The following CSMD2 variants were observed in gnomAD, a reference collection of about 807,000 sequenced individuals.
The protein encoded by CSMD2 is CUB and Sushi multiple domains 2.
CSMD2 carries 130 observed loss-of-function variants against 398.5 expected under a neutral mutation model. The observed-to-expected ratio is 0.33, with a 90% CI of 0.28 to 0.38. The LOEUF (loss-of-function observed/expected upper bound fraction) is 0.38, where lower values mean the gene tolerates loss of function less well. Among genes scored for constraint, CSMD2 ranks in the 10% least tolerant of loss-of-function variants. The probability of loss-of-function intolerance (pLI) is 1.00; values close to 1 mark genes in which losing one functional copy is unlikely to be tolerated. For missense variants in CSMD2, 3,829 were observed against 4,764.9 expected (o/e 0.80, Z 5.78); for synonymous variants, 1,828 against 1,908.5 (o/e 0.96, Z 1.10).
rs1256676454 is a variant in CSMD2 at position 33,633,967 on chromosome 1, A to G, written c.5087-432T>C. Among the ~76,000 whole-genome samples the G allele has an allele frequency of 7.2e-5, 11 of 152,086 alleles. No homozygotes were observed. Among genetic ancestry groups the G allele is most frequent in the Admixed American group, 6.5e-4 (10 of 15,286 alleles). On this transcript the variant is annotated intron_variant, in intron 31 of 70. Transcript: ENST00000373381. The surrounding 1 kb of genome is among the most constrained non-coding windows in gnomAD (Gnocchi z 5.0). ...GTTAGTCAGTGTCATTGAGTTGAAA[A>G]CTGTATACAGAGATCTGTAGTCAGT...
chr1:33,590,361 C>T (rs1043119382), intron 44 of CSMD2, among the ~76,000 whole-genome samples: 8 of 134,204 alleles, frequency 6.0e-5, no homozygotes, highest in African/African-American at 2.3e-4. Context: ...TGGTCTCAAA[C>T]TCCTGGGCTC....
Position 33,716,354 on chromosome 1 carries a change from A to G in CSMD2, c.3149T>C (p.Phe1050Ser), listed in dbSNP as rs777110223. 1 of 1,614,142 alleles carries G rather than the reference A, an allele frequency of 6.2e-7. No homozygotes were observed. Among genetic ancestry groups the G allele is most frequent in the Non-Finnish European group, 8.5e-7 (1 of 1,180,036 alleles). Residue 1050 changes from phenylalanine (F) to serine (S), a missense_variant, in exon 20 of 71, where the codon TTC becomes TCC. By Grantham distance (155) the Phe-to-Ser change is radical. Around this residue, in one of 5 missense-constraint regions of CSMD2, gnomAD observed 2,001 missense variants for 2,567.1 expected, o/e 0.78. Transcript: ENST00000373381. Reference sequence around the variant, plus strand: ...AGAGATGAAGCGGACCTGGGCAGTGAAGTTGCCATAGAGCCCAGCGCTGAT... The same window carrying G: ...AGAGATGAAGCGGACCTGGGCAGTGGAGTTGCCATAGAGCCCAGCGCTGAT... The part of the protein sequence containing the change: ...APISAGLYGN[F>S]TAQVRFISDF...
chr1:33,748,417 A>C (rs550401306), intron 13 of CSMD2, among the ~76,000 whole-genome samples: 129 of 152,302 alleles, frequency 8.5e-4, no homozygotes, highest in Non-Finnish European at 1.4e-3. Context: ...ATGTCGACTA[A>C]ACTTTTAAGT....
Position 33,961,963 on chromosome 1 carries a change from T to C in CSMD2, c.518-26009A>G, listed in dbSNP as rs182330378. On this transcript the variant is annotated intron_variant, in intron 3 of 70. Transcript: ENST00000373381. Reference sequence around the variant, plus strand: ...ACAAATGGAAGAATACAGGGAGTTATTAAGACTTGGGGATGTTGAGAAGAT... The same window carrying C: ...ACAAATGGAAGAATACAGGGAGTTACTAAGACTTGGGGATGTTGAGAAGAT... Among the ~76,000 whole-genome samples, 49 of 152,132 alleles carry C rather than the reference T, an allele frequency of 3.2e-4. 2 individuals carry two copies. The highest frequency in any genetic ancestry group is 8.7e-4 in the African/African-American group (36 of 41,412).
At chr1:33,638,879 A>G in intron 29 of CSMD2, among the ~76,000 whole-genome samples, 1 of 151,652 alleles carries the variant, frequency 6.6e-6, no homozygotes, top group East Asian at 1.9e-4. Flanking sequence ...TCTCTCATCG[A>G]CTCTATATTG....
In CSMD2 at chr1:34,163,485, C is replaced by T. The variant is rs1641553471; in HGVS notation, c.187+1426G>A. 6.6e-6 allele frequency among the ~76,000 whole-genome samples: 1 copy of T among 152,126 alleles called. No individual in the cohort carries two copies. Among genetic ancestry groups the T allele is most frequent in the South Asian group, 2.1e-4 (1 of 4,826 alleles). The stretch of plus-strand genomic sequence containing the variant: ...CAACATGCCGCGGTTAAGCGGTGGG[C>T]GACACGGTCTGCGAGGACAGACTCA... On this transcript the variant is annotated intron_variant, in intron 1 of 70. Transcript: ENST00000373381. The surrounding 1 kb of genome is among the most constrained non-coding windows in gnomAD (Gnocchi z 5.4).
At chr1:33,878,986 T>C (rs966637582) in intron 5 of CSMD2, among the ~76,000 whole-genome samples, 4 of 152,180 alleles carry the variant, frequency 2.6e-5, no homozygotes, top group African/African-American at 9.6e-5. Flanking sequence ...GCGGTAACAA[T>C]GTGTGGTCAC....
chr1:33,593,121 T>C (rs1639586441), intron 44 of CSMD2, among the ~76,000 whole-genome samples: 1 of 152,206 alleles, frequency 6.6e-6, no homozygotes, highest in South Asian at 2.1e-4. Flanking sequence ...GTGTGGAATG[T>C]TATTCAGCCT....
chr1:34,152,855 G>A (rs1640454943), intron 1 of CSMD2, among the ~76,000 whole-genome samples: 1 of 152,008 alleles, frequency 6.6e-6, no homozygotes, highest in Admixed American at 6.6e-5. Flanking sequence ...AAAACTGAAA[G>A]TCAGTGCCCA....
At chr1:34,165,637 C>T (rs1641822432), upstream of CSMD2, 1 of 965,556 alleles carries the variant, frequency 1.0e-6, no homozygotes, top group African/African-American at 1.6e-5. Flanking sequence ...GACACACGCA[C>T]TCACACACAC....
chr1:34,020,604 G>A (rs1224166523), intron 3 of CSMD2, among the ~76,000 whole-genome samples: 1 of 151,512 alleles, frequency 6.6e-6, no homozygotes, highest in Non-Finnish European at 1.5e-5. Flanking sequence ...ACTGTGCAGG[G>A]CTTATTTTCA....
At chr1:33,951,829 T>C (rs773147761) in intron 3 of CSMD2, among the ~76,000 whole-genome samples, 15 of 152,218 alleles carry the variant, frequency 9.9e-5, no homozygotes, top group Non-Finnish European at 2.2e-4. Flanking sequence ...CGCACACTCC[T>C]GCTCCTTCGT....
At chr1:34,151,190 G>A (rs1322074791) in intron 1 of CSMD2, among the ~76,000 whole-genome samples, 1 of 152,092 alleles carries the variant, frequency 6.6e-6, no homozygotes, top group Non-Finnish European at 1.5e-5. Flanking sequence ...AGCTCCTTTG[G>A]CCTTTAGTAG....
chr1:33,915,758 AG>A, intron 5 of CSMD2, among the ~76,000 whole-genome samples: 1 of 152,346 alleles, frequency 6.6e-6, no homozygotes, highest in South Asian at 2.1e-4. Flanking sequence ...CCACCTAACA[AG>A]AGGTCTGATG....
chr1:33,669,080 TCTCA>T (rs1427082389), intron 25 of CSMD2, among the ~76,000 whole-genome samples: 34 of 152,338 alleles, frequency 2.2e-4, no homozygotes, highest in Non-Finnish European at 1.2e-4. Flanking sequence ...GAGAGTGTAT[TCTCA>T]CTATTTTGCT....
chr1:34,130,986 G>C (rs1264842150), intron 1 of CSMD2, among the ~76,000 whole-genome samples: 2 of 152,112 alleles, frequency 1.3e-5, no homozygotes, highest in Non-Finnish European at 2.9e-5. Context: ...CCACCAGATA[G>C]AGCATATAGT....
At chr1:33,815,560 AG>A (rs1369064056) in intron 9 of CSMD2, among the ~76,000 whole-genome samples, 2 of 152,216 alleles carry the variant, frequency 1.3e-5, no homozygotes, top group Non-Finnish European at 2.9e-5. Context: ...AAGGATGTCC[AG>A]GTACAATTTT....
intron 29 of CSMD2, among the ~76,000 whole-genome samples, chr1:33,641,671 G>C (rs756653776): frequency 1.9e-4 from 29 of 152,304 alleles, no homozygotes; most frequent in Admixed American, 3.9e-4. Flanking sequence ...AGATGACTAA[G>C]ACACTACAGT....
chr1:33,742,644 A>G (rs1352811217), intron 14 of CSMD2, among the ~76,000 whole-genome samples: 1 of 126,506 alleles, frequency 7.9e-6, no homozygotes, highest in Non-Finnish European at 1.6e-5. Context: ...TGCTGAGTTT[A>G]GGCTGCTTCT....
Sources: allele counts gnomAD v4.1 joint callset (sites outside exome capture counted in the v4.1 genomes callset), GRCh38; gene constraint gnomAD v4.1.1; regional missense constraint gnomAD v4.1.1; non-coding constraint Gnocchi (gnomAD v3.1); transcripts MANE v1.5; gene names NCBI Gene and HGNC (gene_info 2026-07-23, HGNC 2026-07-21).